Variants in PTPRK observed in about 807,000 individuals in gnomAD.
PTPRK encodes the protein protein tyrosine phosphatase receptor type K, also known as receptor-type tyrosine-protein phosphatase kappa.
In PTPRK, 75 loss-of-function variants were observed where a neutral mutation model predicts 178.0. That is an observed-to-expected ratio of 0.42 (90% confidence interval 0.35 to 0.51). The LOEUF (loss-of-function observed/expected upper bound fraction) is 0.51. PTPRK is among the 20% of genes least tolerant of loss of function. The pLI, the probability that PTPRK is intolerant of heterozygous loss-of-function variation, is 0.02. For missense variants in PTPRK, 1,441 were observed against 1,797.8 expected, an observed-to-expected ratio of 0.80 and a Z score of 3.59; for synonymous variants, 637 against 620.6, an observed-to-expected ratio of 1.03 and a Z score of -0.39.
At chr6:128,436,375 C>T (rs187181949) in intron 1 of PTPRK, among the ~76,000 whole-genome samples, 31 of 152,156 alleles carry the variant, frequency 2.0e-4, no homozygotes, top group African/African-American at 5.1e-4. Context: ...GAAAGTTTTG[C>T]GGAGGAGGAA....
rs138793823 is a variant in PTPRK, at chr6:128,008,204, C to T, written c.2333+926G>A. 452 of 449,098 alleles carry T rather than the reference C, an allele frequency of 1.0e-3. 2 individuals are homozygous for T. The highest frequency in any genetic ancestry group is 9.1e-3 in the African/African-American group (413 of 45,522). The allele number at this position is 449,098 out of a possible 1,614,324, so 27.8% of individuals were successfully genotyped here. ...ATGCTTTATTTCAAGTATAAAATAACTATAATAGTAAACTAGATAATTTAA... is the reference window on the plus strand; with the variant it reads ...ATGCTTTATTTCAAGTATAAAATAATTATAATAGTAAACTAGATAATTTAA... On this transcript the variant is annotated intron_variant, in intron 14 of 29. Coordinates refer to ENST00000368226, the MANE Select transcript of PTPRK (RefSeq NM_002844.4).
intron 3 of PTPRK, among the ~76,000 whole-genome samples, chr6:128,289,034 T>C (rs759689729): frequency 6.6e-6 from 1 of 152,138 alleles, no homozygotes; most frequent in Non-Finnish European, 1.5e-5. Context: ...GGCTACAGCG[T>C]GCACCAGTGC....
At chr6:128,492,361 T>G (rs1450094081) in intron 1 of PTPRK, among the ~76,000 whole-genome samples, 1 of 152,158 alleles carries the variant, frequency 6.6e-6, no homozygotes, top group Non-Finnish European at 1.5e-5. Context: ...CTAACACTAT[T>G]ATGGGATATA....
chr6:128,053,913 A>G (rs893034330), intron 13 of PTPRK, among the ~76,000 whole-genome samples: 2 of 152,152 alleles, frequency 1.3e-5, no homozygotes, highest in African/African-American at 4.8e-5. Flanking sequence ...AGGCTGAGAA[A>G]AAAGAGCTAC....
rs527556337 is a variant in PTPRK at position 128,130,836 on chromosome 6, T to A, written c.1163-40844A>T. 1.0e-4 allele frequency among the ~76,000 whole-genome samples: 15 copies of A among 149,716 alleles called. No individual in the cohort carries two copies. In the East Asian group the frequency reaches 2.7e-3, roughly 27 times the overall value. On this transcript the variant is annotated intron_variant, in intron 7 of 29. Coordinates refer to ENST00000368226, the MANE Select transcript of PTPRK (RefSeq NM_002844.4). ...ACATTAAGGAATAAGGAAGTACCGA[T>A]ATAAAAAAAAATTGAATAACTGAAT...
chr6:128,297,384 A>G (rs1824659403), intron 3 of PTPRK, among the ~76,000 whole-genome samples: 1 of 152,220 alleles, frequency 6.6e-6, no homozygotes, highest in African/African-American at 2.4e-5. Context: ...CCTAACAGAC[A>G]TCTACAGATC....
intron 2 of PTPRK, among the ~76,000 whole-genome samples, chr6:128,339,180 T>C (rs974199493): frequency 6.6e-6 from 1 of 152,134 alleles, no homozygotes; most frequent in African/African-American, 2.4e-5. Context: ...ACAAGGGAAA[T>C]AAAATTCATT....
intron 3 of PTPRK, among the ~76,000 whole-genome samples, chr6:128,284,701 A>C (rs1322951558): frequency 6.6e-6 from 1 of 152,200 alleles, no homozygotes; most frequent in Non-Finnish European, 1.5e-5. Context: ...GATGTTTTAT[A>C]ATTAATGTTC....
chr6:128,370,347 T>C (rs990294310), intron 2 of PTPRK, among the ~76,000 whole-genome samples: 1 of 152,032 alleles, frequency 6.6e-6, no homozygotes, highest in African/African-American at 2.4e-5. Context: ...AATTAGTTGC[T>C]CACAGCTACA....
intron 24 of PTPRK, among the ~76,000 whole-genome samples, chr6:127,981,907 A>G (rs539899226): frequency 6.6e-6 from 1 of 152,232 alleles, no homozygotes; most frequent in South Asian, 2.1e-4. Context: ...GGCTCACCAC[A>G]GCCTTCCAGG....
chr6:128,149,569 G>C (rs1476624607), intron 7 of PTPRK, among the ~76,000 whole-genome samples: 1 of 151,952 alleles, frequency 6.6e-6, no homozygotes, highest in African/African-American at 2.4e-5. Context: ...ACCTAATCTT[G>C]CTAAGGTTAT....
At chr6:128,380,501 C>A (rs141567154) in intron 2 of PTPRK, among the ~76,000 whole-genome samples, 1 of 150,662 alleles carries the variant, frequency 6.6e-6, no homozygotes, top group African/African-American at 2.4e-5. Context: ...GTGTCTAATA[C>A]ATTCTTGGAA....
intron 6 of PTPRK, among the ~76,000 whole-genome samples, chr6:128,206,020 C>T (rs1220026370): frequency 1.3e-5 from 2 of 151,714 alleles, no homozygotes; most frequent in East Asian, 1.9e-4. Flanking sequence ...TGGAAAGAGG[C>T]TGGTGGAGAA....
In PTPRK at chr6:128,406,936, A is replaced by G. The variant is rs997426099; in HGVS notation, c.101-9248T>C. 5.3e-5 allele frequency among the ~76,000 whole-genome samples: 8 copies of G among 152,168 alleles called. No homozygotes were observed. In the South Asian group the frequency reaches 6.2e-4, roughly 12 times the overall value. ...ATGGCCATTCTAACCTAACAAAGAC[A>G]GTGTTAAAGGGGGGAATAGTGAATG... On this transcript the variant is annotated intron_variant, in intron 1 of 29. Coordinates refer to ENST00000368226, the MANE Select transcript of PTPRK (RefSeq NM_002844.4).
intron 7 of PTPRK, among the ~76,000 whole-genome samples, chr6:128,092,547 A>G (rs1020503962): frequency 2.0e-5 from 3 of 152,166 alleles, no homozygotes; most frequent in Admixed American, 1.3e-4. Flanking sequence ...ACATATACAC[A>G]TATGCAGTAC....
intron 7 of PTPRK, among the ~76,000 whole-genome samples, chr6:128,175,412 C>T (rs4596504): frequency 0.93 from 140,476 of 151,848 alleles, 65,105 homozygotes; most frequent in East Asian, 1. Flanking sequence ...TGATCTTCAC[C>T]GCGGCTTTTA....
chr6:128,257,801 C>A (rs540560449), intron 3 of PTPRK, among the ~76,000 whole-genome samples: 1 of 151,982 alleles, frequency 6.6e-6, no homozygotes, highest in Admixed American at 6.6e-5. Flanking sequence ...ACTTTTCACC[C>A]CTTTCAATTT....
intron 7 of PTPRK, among the ~76,000 whole-genome samples, chr6:128,133,413 A>G (rs79795229): frequency 0.025 from 3,883 of 152,294 alleles, 76 homozygotes; most frequent in Middle Eastern, 0.096. Flanking sequence ...TTTATGGACA[A>G]AATTTTAAAA....
chr6:128,102,349 A>G (rs1188044931), intron 7 of PTPRK, among the ~76,000 whole-genome samples: 1 of 152,224 alleles, frequency 6.6e-6, no homozygotes, highest in South Asian at 2.1e-4. Context: ...ACAGGCAGGT[A>G]AATTTATTTT....
Sources: gnomAD v4.1 joint callset for allele counts (sites outside exome capture counted in the v4.1 genomes callset) on GRCh38, gnomAD v4.1.1 for gene constraint, MANE v1.5 for transcripts, NCBI Gene and HGNC (gene_info 2026-07-23, HGNC 2026-07-21) for gene names.